The following ZSWIM7 variants were observed in gnomAD, a reference collection of about 807,000 sequenced individuals.
ZSWIM7 encodes zinc finger SWIM domain-containing protein 7.
A neutral mutation model predicts 21.1 loss-of-function variants in ZSWIM7; 22 were observed. The observed-to-expected ratio is 1.04, with a 90% confidence interval of 0.74 to 1.49. The LOEUF is 1.49. ZSWIM7 is among the 40% of genes most tolerant of loss of function. The pLI is 0.00. For synonymous variants in ZSWIM7, 67 were observed against 66.5 expected (o/e 1.01, Z -0.04); for missense variants, 193 against 168.0 (o/e 1.15, Z -0.82).
chr17:15,980,983 T>C (rs1388376839), intron 4 of ZSWIM7, 57 bp downstream of exon 4: 2 of 1,327,490 alleles, frequency 1.5e-6, no homozygotes, highest in Non-Finnish European at 2.1e-6. Context: ...AACCACAAAG[T>C]AAGGGCAATT....
intron 4 of ZSWIM7, among the ~76,000 whole-genome samples, chr17:15,978,575 G>A (rs1460604662): frequency 6.6e-6 from 1 of 152,208 alleles, no homozygotes; most frequent in Admixed American, 6.5e-5. Flanking sequence ...TACAGCCTGG[G>A]TGACAGAGCC....
intron 4 of ZSWIM7, among the ~76,000 whole-genome samples, chr17:15,978,947 CT>C (rs553348841): frequency 0.069 from 9,534 of 139,030 alleles, 643 homozygotes; most frequent in African/African-American, 0.18. Flanking sequence ...GCTACTCTCT[CT>C]TTTTTTTTTT....
At chr17:15,984,687 C>T (rs745903272) in intron 3 of ZSWIM7, among the ~76,000 whole-genome samples, 17 of 152,342 alleles carry the variant, frequency 1.1e-4, no homozygotes, top group South Asian at 2.1e-4. Context: ...ATTATACATT[C>T]CTGGCCTGTT....
In ZSWIM7 at chr17:15,977,590, G is replaced by C. The variant is rs1457373030; in HGVS notation, c.*457C>G. ...ATGGTGGCGGGTACCTGTAGTCCCA[G>C]CTACTCGGGAGGCTGAGGCAGGAGA... On this transcript the variant is annotated 3_prime_UTR_variant, in exon 5 of 5. Coordinates refer to ENST00000399277, the MANE Select transcript of ZSWIM7 (RefSeq NM_001042697.2). 6.6e-6 allele frequency: 1 copy of C among 152,630 alleles called. No homozygotes were observed. The allele number at this position is 152,630 out of a possible 1,614,324, so 9.5% of individuals were successfully genotyped here.
intron 4 of ZSWIM7, among the ~76,000 whole-genome samples, chr17:15,978,389 G>A (rs1171176776): frequency 6.6e-6 from 1 of 152,208 alleles, no homozygotes; most frequent in Admixed American, 6.5e-5. Flanking sequence ...CTTGAGATCA[G>A]GAGTTCGAGA....
chr17:15,981,201 T>C, intron 3 of ZSWIM7, 57 bp from the exon 4 acceptor site: 1 of 1,307,790 alleles, frequency 7.6e-7, no homozygotes. Flanking sequence ...AACCACCTCT[T>C]TCCCTTTTTA....
At position 15,987,316 on chromosome 17, in the gene ZSWIM7, G is replaced by T. The variant is rs955092170; in HGVS notation, c.151C>A (p.Arg51=). ...GATGAGATTAAGGTGATGGACTGTC[G>T]ATCAACTAGGTCCAAGGCCTGGGTG... is the stretch of plus-strand genomic sequence containing the variant. ...SATQALDLVD[R]QSITLISSPS... is the part of the protein sequence containing the mutation. Residue 51 remains arginine (R), a synonymous_variant, in exon 3 of 5, where the codon CGA becomes AGA. Transcript: ENST00000399277. 4 of 1,613,654 alleles carry T rather than the reference G, an allele frequency of 2.5e-6. No individual in the cohort carries two copies. The highest frequency in any genetic ancestry group is 3.4e-6 in the Non-Finnish European group (4 of 1,179,822).
intron 4 of ZSWIM7, among the ~76,000 whole-genome samples, chr17:15,979,628 C>G (rs1970325183): frequency 7.1e-6 from 1 of 141,556 alleles, no homozygotes; most frequent in South Asian, 2.3e-4. Context: ...CTGACCCCCC[C>G]ACCTCCCTCC....
At chr17:15,980,967 T>C (rs886957841) in intron 4 of ZSWIM7, 73 bp downstream of exon 4, 9 of 1,093,120 alleles carry the variant, frequency 8.2e-6, no homozygotes, top group Non-Finnish European at 1.2e-5. Context: ...TTTTGTAGAA[T>C]AGTTAAACCA....
chr17:15,993,708 T>C, intron 2 of ZSWIM7, 49 bp downstream of exon 2: 2 of 1,337,596 alleles, frequency 1.5e-6, no homozygotes, highest in South Asian at 1.2e-5. Flanking sequence ...GAAAGGATTT[T>C]AACATTAATG....
intron 3 of ZSWIM7, among the ~76,000 whole-genome samples, chr17:15,982,467 A>T: frequency 6.6e-6 from 1 of 152,006 alleles, no homozygotes; most frequent in East Asian, 1.9e-4. Context: ...GGACTTTTAA[A>T]TTTTTTTTGA....
chr17:15,981,058 C>T lies in ZSWIM7; in HGVS notation c.288G>A (p.Arg96=), dbSNP rs373722122. The change falls in exon 4 of 5, where the codon CGG becomes CGA. Residue 96 remains arginine, a synonymous_variant. Transcript: ENST00000399277. Reference sequence around the variant, plus strand: ...TCCTCACCAGGATGCTGTCACTCTTCCGTAGCACTGAGAATGCAAATGCAG... The same window carrying T: ...TCCTCACCAGGATGCTGTCACTCTTTCGTAGCACTGAGAATGCAAATGCAG... ...SCPAFAFSVL[R]KSDSILCKHL... is the part of the protein sequence containing the mutation. 59 of 1,613,562 alleles carry T rather than the reference C, an allele frequency of 3.7e-5. No homozygotes were observed. The East Asian group carries it at 1.1e-3, about 31-fold the overall frequency.
At chr17:15,987,129 T>G (rs1306059358) in intron 3 of ZSWIM7, 137 bp downstream of exon 3, 2 of 605,578 alleles carry the variant, frequency 3.3e-6, no homozygotes, top group Non-Finnish European at 5.4e-6. Context: ...ATCAATTCGT[T>G]AATTTTACCA....
intron 3 of ZSWIM7, among the ~76,000 whole-genome samples, chr17:15,981,639 G>A (rs1471215684): frequency 1.3e-5 from 2 of 152,150 alleles, no homozygotes; most frequent in African/African-American, 4.8e-5. Flanking sequence ...CGGGTGTGGT[G>A]GCTCAAAGCC....
intron 1 of ZSWIM7, among the ~76,000 whole-genome samples, chr17:15,995,379 T>C (rs1006426665): frequency 2.0e-5 from 3 of 151,784 alleles, no homozygotes; most frequent in Non-Finnish European, 4.4e-5. Context: ...GCAATTCTCC[T>C]GCCTCAGCCT....
chr17:15,987,493 A>T, intron 2 of ZSWIM7, 125 bp from the exon 3 acceptor site: 1 of 769,788 alleles, frequency 1.3e-6, no homozygotes, highest in Middle Eastern at 3.6e-4. Flanking sequence ...AAAGGAAAAT[A>T]ATACAGCAAA....
At chr17:15,981,261 G>A (rs946500812) in intron 3 of ZSWIM7, 117 bp from the exon 4 acceptor site, 8 of 655,638 alleles carry the variant, frequency 1.2e-5, no homozygotes, top group Non-Finnish European at 2.1e-5. Flanking sequence ...AAGAACTGCA[G>A]TAATGTTTTA....
chr17:15,989,560 C>G (rs927095437), intron 2 of ZSWIM7, among the ~76,000 whole-genome samples: 6 of 152,012 alleles, frequency 3.9e-5, no homozygotes, highest in Non-Finnish European at 5.9e-5. Context: ...TGAGGTGATC[C>G]CCCCGCCTTG....
Position 15,999,689 on chromosome 17 carries a change from C to T in ZSWIM7, c.-95G>A, listed in dbSNP as rs768522330. The T allele has an allele frequency of 6.4e-6, 10 of 1,556,520 alleles. No homozygotes were observed. Among genetic ancestry groups the T allele is most frequent in the Non-Finnish European group, 8.7e-6 (10 of 1,150,696 alleles). Reference sequence around the variant, plus strand: ...GGAGGATCCTGACCCCCCGCCGGGGCAGGGCGAGACGGAGTGACGTCGGGG... The same window carrying T: ...GGAGGATCCTGACCCCCCGCCGGGGTAGGGCGAGACGGAGTGACGTCGGGG... On this transcript the variant is annotated 5_prime_UTR_variant, in exon 1 of 5. Coordinates refer to ENST00000399277, the MANE Select transcript of ZSWIM7 (RefSeq NM_001042697.2).
Sources: gnomAD v4.1 joint callset for allele counts (sites outside exome capture counted in the v4.1 genomes callset) on GRCh38, gnomAD v4.1.1 for gene constraint, MANE v1.5 for transcripts, NCBI Gene and HGNC (gene_info 2026-07-23, HGNC 2026-07-21) for gene names.